ROBO1: variants seen among roughly 807,000 people sequenced by gnomAD.
The protein encoded by ROBO1 is roundabout guidance receptor 1.
ROBO1 carries 149 observed loss-of-function variants against 195.9 expected under a neutral mutation model. The ratio of observed to expected loss-of-function variants is 0.76; its 90% confidence interval spans 0.67 to 0.87. The LOEUF is 0.87. ROBO1 is among the 40% of genes least tolerant of loss of function. ROBO1 has a pLI of 0.00. For missense variants in ROBO1, 1,933 were observed against 2,068.3 expected (o/e 0.93, Z 1.27); for synonymous variants, 816 against 733.2 (o/e 1.11, Z -1.82).
In ROBO1 at chr3:78,636,034, A is replaced by C. The variant is rs768766392; in HGVS notation, c.3112T>G (p.Tyr1038Asp). Reference protein sequence around the residue: ...TNLMLPESTVYGDVDLSNKIN... With the variant: ...TNLMLPESTVDGDVDLSNKIN... ...TTGTTACTAAGGTCCACATCACCAT[A>C]AACAGTTGACTCAGGGAGCATCAGA... Residue 1038 changes from tyrosine (Y) to aspartate (D), a missense_variant, in exon 23 of 31, where the codon TAT (tyrosine) becomes GAT (aspartate). Physicochemically the swap from Tyr to Asp is radical, Grantham distance 160. This residue lies in a region of ROBO1 where 1,737 missense variants were observed against 1,882.5 expected (regional missense o/e 0.92). Coordinates refer to ENST00000464233, the MANE Select transcript of ROBO1 (RefSeq NM_002941.4). 2.5e-5 allele frequency: 40 copies of C among 1,613,840 alleles called. No individual in the cohort carries two copies. The highest frequency in any genetic ancestry group is 3.3e-5 in the Non-Finnish European group (39 of 1,179,824).
At chr3:78,623,066 G>T (rs949611549) in intron 26 of ROBO1, among the ~76,000 whole-genome samples, 6 of 152,176 alleles carry the variant, frequency 3.9e-5, no homozygotes, top group African/African-American at 1.4e-4. Flanking sequence ...GGAGTGGTTT[G>T]TTAGACAGCA....
At position 78,685,732 on chromosome 3, in the gene ROBO1, G is replaced by A; in HGVS notation, c.1342+14C>T. 6.3e-7 allele frequency: 1 copy of A among 1,576,182 alleles called. No individual in the cohort carries two copies. The highest frequency in any genetic ancestry group is 1.7e-4 in the Middle Eastern group (1 of 5,822). On this transcript the variant is annotated intron_variant, in intron 10 of 30. Transcript: ENST00000464233. ...AAACTTGGACATTTTGAAATAAAAT[G>A]TTTTACACTTTACCATCTGTAACTT...
chr3:79,485,234 A>C (rs775910761), intron 2 of ROBO1, among the ~76,000 whole-genome samples: 6 of 152,136 alleles, frequency 3.9e-5, no homozygotes, highest in African/African-American at 9.7e-5. Flanking sequence ...AAGACATTTT[A>C]TTAATTCTTT....
intron 26 of ROBO1, among the ~76,000 whole-genome samples, chr3:78,618,609 T>TA (rs1346190393): frequency 6.6e-6 from 1 of 152,176 alleles, no homozygotes; most frequent in East Asian, 1.9e-4. Context: ...TTTATTCTAT[T>TA]AAAAAAAAGC....
intron 4 of ROBO1, among the ~76,000 whole-genome samples, chr3:78,763,891 G>A (rs1001511523): frequency 6.6e-6 from 1 of 152,140 alleles, no homozygotes; most frequent in African/African-American, 2.4e-5. Flanking sequence ...TACATAGAAA[G>A]TGTGAACATT....
intron 9 of ROBO1, 101 bp downstream of exon 9, chr3:78,688,547 G>T: frequency 8.0e-7 from 1 of 1,243,828 alleles, no homozygotes; most frequent in Non-Finnish European, 1.1e-6. Flanking sequence ...TTCTCTTAAT[G>T]TGACAGCTGC....
At chr3:79,143,922 T>C (rs2080588467) in intron 2 of ROBO1, among the ~76,000 whole-genome samples, 1 of 152,020 alleles carries the variant, frequency 6.6e-6, no homozygotes, top group East Asian at 1.9e-4. Context: ...TTGAGAATGT[T>C]CTATAAATGA....
chr3:78,834,329 G>C (rs7617433), intron 4 of ROBO1, among the ~76,000 whole-genome samples: 6 of 151,130 alleles, frequency 4.0e-5, no homozygotes, highest in Admixed American at 1.3e-4. Context: ...ATTTTGGTGG[G>C]AACGGCTTAG....
chr3:79,289,858 T>G (rs2032131927), intron 2 of ROBO1, among the ~76,000 whole-genome samples: 1 of 152,110 alleles, frequency 6.6e-6, no homozygotes, highest in South Asian at 2.1e-4. Context: ...TATTACAGCC[T>G]ATGTCACATA....
intron 7 of ROBO1, chr3:78,715,016 A>G (rs2081865026): frequency 6.6e-6 from 1 of 152,326 alleles, no homozygotes; most frequent in Admixed American, 6.5e-5. Context: ...ACCCACTTTC[A>G]TTTTTGAGTT....
At chr3:78,794,882 G>A (rs370686228) in intron 4 of ROBO1, among the ~76,000 whole-genome samples, 622 of 2,382 alleles carry the variant, frequency 0.26, 4 homozygotes, top group African/African-American at 0.28. Flanking sequence ...GTACCTAGCC[G>A]CAATTGACAG....
intron 2 of ROBO1, among the ~76,000 whole-genome samples, chr3:79,332,930 G>A (rs1421644552): frequency 6.6e-6 from 1 of 152,082 alleles, no homozygotes; most frequent in African/African-American, 2.4e-5. Context: ...GGCCAGGTGT[G>A]GTGGCTTACG....
chr3:79,070,801 C>A, intron 3 of ROBO1, among the ~76,000 whole-genome samples: 1 of 151,732 alleles, frequency 6.6e-6, no homozygotes, highest in East Asian at 1.9e-4. Flanking sequence ...TCACTTTCAG[C>A]CAACATACTC....
rs753634283 is a variant in ROBO1 at position 78,861,937 on chromosome 3, T to G, written c.499+76664A>C. Among the ~76,000 whole-genome samples the G allele has an allele frequency of 2.6e-5, 4 of 152,180 alleles. No homozygotes were observed. The East Asian group carries it at 7.7e-4, about 29-fold the overall frequency. On this transcript the variant is annotated intron_variant, in intron 4 of 30. Transcript: ENST00000464233. ...GGCTTATATTTAGAATATTTAGATTTACAACAACCTAAGGGTAATGGACAG... is the reference window on the plus strand; with the variant it reads ...GGCTTATATTTAGAATATTTAGATTGACAACAACCTAAGGGTAATGGACAG...
At chr3:79,160,267 C>A (rs934812270) in intron 2 of ROBO1, among the ~76,000 whole-genome samples, 5 of 147,484 alleles carry the variant, frequency 3.4e-5, no homozygotes, top group Admixed American at 2.7e-4. Flanking sequence ...TGTGTTGTAG[C>A]ATGACTATCA....
chr3:78,992,871 T>C (rs1024867923), intron 3 of ROBO1, among the ~76,000 whole-genome samples: 1 of 152,166 alleles, frequency 6.6e-6, no homozygotes, highest in African/African-American at 2.4e-5. Flanking sequence ...CAAGGAAAGC[T>C]CTGAGGTGGA....
intron 8 of ROBO1, among the ~76,000 whole-genome samples, chr3:78,701,428 G>A (rs895905809): frequency 2.6e-5 from 4 of 152,142 alleles, no homozygotes; most frequent in Admixed American, 6.5e-5. Flanking sequence ...CACTGTAAAC[G>A]TCAAAGGCAG....
At chr3:79,178,114 G>A (rs779949675) in intron 2 of ROBO1, among the ~76,000 whole-genome samples, 5 of 152,168 alleles carry the variant, frequency 3.3e-5, no homozygotes, top group African/African-American at 4.8e-5. Flanking sequence ...CTGCTCATAT[G>A]TATATCTATC....
intron 2 of ROBO1, among the ~76,000 whole-genome samples, chr3:79,377,583 G>A (rs529412001): frequency 6.6e-6 from 1 of 151,994 alleles, no homozygotes; most frequent in Admixed American, 6.6e-5. Flanking sequence ...TAATTTATTC[G>A]ATGTAGTTTT....
Sources: gnomAD v4.1 joint callset for allele counts (sites outside exome capture counted in the v4.1 genomes callset) on GRCh38, gnomAD v4.1.1 for gene constraint, gnomAD v4.1.1 regional missense constraint, MANE v1.5 for transcripts, NCBI Gene and HGNC (gene_info 2026-07-23, HGNC 2026-07-21) for gene names.